ATP8B4: variants seen among roughly 807,000 people sequenced by gnomAD.
The protein encoded by ATP8B4 is ATPase phospholipid transporting 8B4 (putative), also known as probable phospholipid-transporting ATPase IM.
ATP8B4 carries 133 observed loss-of-function variants against 145.6 expected under a neutral mutation model. The ratio of observed to expected loss-of-function variants is 0.91; its 90% CI spans 0.79 to 1.05. The LOEUF (loss-of-function observed/expected upper bound fraction) is 1.05, where lower values mean the gene tolerates loss of function less well. Ranked by LOEUF, ATP8B4 falls within the 50% of genes least tolerant of loss-of-function variation. The probability of loss-of-function intolerance (pLI) is 0.00; values close to 1 mark genes in which losing one functional copy is unlikely to be tolerated. For synonymous variants in ATP8B4, 507 were observed against 492.9 expected (o/e 1.03, Z -0.38); for missense variants, 1,458 against 1,425.2 (o/e 1.02, Z -0.37).
At chr15:49,900,237 C>T (rs1394376423) in intron 21 of ATP8B4, among the ~76,000 whole-genome samples, 3 of 152,194 alleles carry the variant, frequency 2.0e-5, no homozygotes, top group Non-Finnish European at 4.4e-5. Flanking sequence ...TGGAATCCAG[C>T]TGGATAATGC....
intron 14 of ATP8B4, among the ~76,000 whole-genome samples, chr15:49,954,751 G>A (rs905861512): frequency 1.3e-5 from 2 of 152,102 alleles, no homozygotes; most frequent in Non-Finnish European, 2.9e-5. Context: ...CAGCCACTGT[G>A]GAGAGCCATT....
At chr15:50,097,244 T>C (rs1005513173) in intron 2 of ATP8B4, among the ~76,000 whole-genome samples, 21 of 152,070 alleles carry the variant, frequency 1.4e-4, no homozygotes, top group Admixed American at 4.6e-4. Context: ...TAAGGATAGG[T>C]TCCATATCTT....
chr15:50,178,546 T>G (rs1342221296), intron 1 of ATP8B4, among the ~76,000 whole-genome samples: 1 of 152,182 alleles, frequency 6.6e-6, no homozygotes, highest in Non-Finnish European at 1.5e-5. Context: ...GTTTTTCATA[T>G]GAGATGGGGT....
intron 16 of ATP8B4, among the ~76,000 whole-genome samples, chr15:49,925,818 T>G (rs142409739): frequency 6.6e-6 from 1 of 152,322 alleles, no homozygotes; most frequent in Admixed American, 6.5e-5. Context: ...GTTTTATATC[T>G]CTTTTCTTCC....
chr15:50,069,165 C>A (rs2053568586), intron 3 of ATP8B4, among the ~76,000 whole-genome samples: 1 of 152,154 alleles, frequency 6.6e-6, no homozygotes, highest in South Asian at 2.1e-4. Flanking sequence ...TCTTCAATCC[C>A]ATTTTGTCTT....
intron 25 of ATP8B4, among the ~76,000 whole-genome samples, chr15:49,872,377 TAA>T (rs1277024902): frequency 6.6e-6 from 1 of 152,146 alleles, no homozygotes; most frequent in Non-Finnish European, 1.5e-5. Flanking sequence ...CTCTAGGAGG[TAA>T]AAGTTAATTC....
chr15:50,172,795 A>T (rs1177634222), intron 1 of ATP8B4, among the ~76,000 whole-genome samples: 3 of 142,306 alleles, frequency 2.1e-5, no homozygotes, highest in African/African-American at 8.1e-5. Flanking sequence ...CCCGGCCGCG[A>T]CCCTGTCTGG....
chr15:50,168,835 T>C (rs2044630064), intron 1 of ATP8B4, among the ~76,000 whole-genome samples: 1 of 152,070 alleles, frequency 6.6e-6, no homozygotes, highest in African/African-American at 2.4e-5. Context: ...TTGGGGCCGT[T>C]GGTGGGGTAT....
chr15:49,900,012 A>G (rs75745696), intron 21 of ATP8B4, among the ~76,000 whole-genome samples: 1 of 152,348 alleles, frequency 6.6e-6, no homozygotes, highest in East Asian at 1.9e-4. Flanking sequence ...AAGTCAAAGT[A>G]TAACTCATAA....
rs538578215 is a variant in ATP8B4, at chr15:50,133,895, G to T, written c.-42-26887C>A. ...TCATGCATGGAATCGCAACACTTTG[G>T]GAGGCCAAGGCAGGAGGATCGCTGA... On this transcript the variant is annotated intron_variant, in intron 1 of 3. Transcript: ENST00000558829. Among the ~76,000 whole-genome samples, 49 of 152,186 alleles carry T rather than the reference G, an allele frequency of 3.2e-4. 1 individual carries two copies. The East Asian group carries it at 9.3e-3, about 29-fold the overall frequency.
At chr15:50,050,655 T>C (rs1009897739) in intron 3 of ATP8B4, among the ~76,000 whole-genome samples, 1 of 151,488 alleles carries the variant, frequency 6.6e-6, no homozygotes, top group African/African-American at 2.4e-5. Flanking sequence ...CCAAAAGAAA[T>C]TTTAATTAAA....
chr15:49,862,504 T>G (rs1031410755), intron 26 of ATP8B4, 129 bp from the exon 27 acceptor site: 1 of 1,051,644 alleles, frequency 9.5e-7, no homozygotes, highest in Non-Finnish European at 1.3e-6. Context: ...TCCAGGCTGG[T>G]GGAATGCAGT....
At chr15:49,906,851 T>A (rs2038678166) in intron 20 of ATP8B4, among the ~76,000 whole-genome samples, 1 of 152,164 alleles carries the variant, frequency 6.6e-6, no homozygotes, top group South Asian at 2.1e-4. Context: ...TAGAAACTGA[T>A]AAGTGATGGC....
chr15:50,128,558 A>G (rs578003755), intron 1 of ATP8B4, among the ~76,000 whole-genome samples: 2 of 152,360 alleles, frequency 1.3e-5, no homozygotes. Context: ...ACAGAGTCAC[A>G]CAGGTTCTCT....
At chr15:50,119,476 C>T (rs1446865082), upstream of ATP8B4, 1 of 152,222 alleles carries the variant, frequency 6.6e-6, no homozygotes, top group Non-Finnish European at 1.5e-5. Context: ...CCTGAAGAGC[C>T]TCTCCTCCCC....
chr15:50,124,468 A>C (rs2153678293), intron 1 of ATP8B4, among the ~76,000 whole-genome samples: 1 of 152,318 alleles, frequency 6.6e-6, no homozygotes, highest in Admixed American at 6.5e-5. Flanking sequence ...TGCAAACAAG[A>C]AGTTAGAAGT....
intron 14 of ATP8B4, among the ~76,000 whole-genome samples, chr15:49,949,150 G>C (rs895811875): frequency 5.3e-5 from 8 of 152,280 alleles, no homozygotes; most frequent in African/African-American, 1.9e-4. Context: ...TGGCTATACA[G>C]GGTCTTCTTC....
At chr15:49,911,197 A>G (rs944386993) in intron 20 of ATP8B4, among the ~76,000 whole-genome samples, 15 of 152,104 alleles carry the variant, frequency 9.9e-5, no homozygotes, top group African/African-American at 3.6e-4. Context: ...AGAATGGCGG[A>G]ATGGGTTTTT....
intron 6 of ATP8B4, among the ~76,000 whole-genome samples, chr15:50,015,626 G>A (rs1314873062): frequency 6.6e-6 from 1 of 152,186 alleles, no homozygotes; most frequent in African/African-American, 2.4e-5. Flanking sequence ...AAGACAGCTT[G>A]CAATCATGAT....
Sources: gnomAD v4.1 joint callset for allele counts (sites outside exome capture counted in the v4.1 genomes callset) on GRCh38, gnomAD v4.1.1 for gene constraint, MANE v1.5 for transcripts, NCBI Gene and HGNC (gene_info 2026-07-23, HGNC 2026-07-21) for gene names.